Variants in TDRD1 observed in about 807,000 individuals in gnomAD.
The protein encoded by TDRD1 is tudor domain containing 1.
A neutral mutation model predicts 140.6 loss-of-function variants in TDRD1; 37 were observed. The observed-to-expected ratio is 0.26, with a 90% CI of 0.20 to 0.35. TDRD1 has a LOEUF of 0.35. Ranked by LOEUF, TDRD1 falls within the 10% of genes least tolerant of loss-of-function variation. The probability of loss-of-function intolerance (pLI) is 1.00; values close to 1 mark genes in which losing one functional copy is unlikely to be tolerated. For synonymous variants in TDRD1, 506 were observed against 475.7 expected, an observed-to-expected ratio of 1.06 and a Z score of -0.83; for missense variants, 1,243 against 1,393.0, an observed-to-expected ratio of 0.89 and a Z score of 1.71.
At chr10:114,229,114 A>C (rs2036608772) in intron 25 of TDRD1, among the ~76,000 whole-genome samples, 1 of 151,638 alleles carries the variant, frequency 6.6e-6, no homozygotes, top group African/African-American at 2.4e-5. Context: ...AAAAAAAAAC[A>C]ACCTCTAATC....
rs2036069955 is a variant in TDRD1 at position 114,220,427 on chromosome 10, G to A, written c.2495-141G>A. 9.7e-6 allele frequency: 6 copies of A among 620,044 alleles called. No individual in the cohort carries two copies. The South Asian group carries it at 9.8e-5, about 10-fold the overall frequency. The allele number at this position is 620,044 out of a possible 1,614,324, so 38.4% of individuals were successfully genotyped here. On this transcript the variant is annotated intron_variant, in intron 18 of 25. Coordinates refer to ENST00000251864, the Ensembl canonical transcript of TDRD1. ...ATCTCTTAAGTCAGGCATGCAGGAT[G>A]TAGGTGTATAATTGAATATTGAAGA...
chr10:114,218,800 C>G (rs894296369), intron 18 of TDRD1, among the ~76,000 whole-genome samples: 3 of 152,116 alleles, frequency 2.0e-5, no homozygotes, highest in Admixed American at 1.3e-4. Flanking sequence ...AAAAACTGCA[C>G]GATCCTCTGG....
exon 2 of TDRD1, chr10:114,187,906 A>G (rs780110641): frequency 1.2e-6 from 2 of 1,613,048 alleles, no homozygotes; most frequent in Admixed American, 1.7e-5. Flanking sequence ...TGACAGAGCC[A>G]TTTAATTTTG....
At chr10:114,175,017 G>A (rs1041859132), upstream of TDRD1, among the ~76,000 whole-genome samples, 1 of 152,214 alleles carries the variant, frequency 6.6e-6, no homozygotes, top group African/African-American at 2.4e-5. Context: ...ATTCTGCAAT[G>A]TAAGAATTTG....
chr10:114,198,037 G>A (rs538924366), intron 3 of TDRD1, among the ~76,000 whole-genome samples: 9 of 152,218 alleles, frequency 5.9e-5, no homozygotes, highest in African/African-American at 2.2e-4. Flanking sequence ...GCCAGGTCGG[G>A]GGGTATATGT....
chr10:114,211,060 T>C, intron 13 of TDRD1, 93 bp downstream of exon 13: 2 of 955,336 alleles, frequency 2.1e-6, no homozygotes, highest in Non-Finnish European at 3.1e-6. Context: ...GTCTTTGGTT[T>C]GCACTGATGG....
chr10:114,208,070 C>A (rs1485034338), intron 11 of TDRD1, among the ~76,000 whole-genome samples: 2 of 151,898 alleles, frequency 1.3e-5, no homozygotes, highest in Non-Finnish European at 2.9e-5. Context: ...TGCAAGAAAA[C>A]GAACATGTGT....
chr10:114,210,768 T>A lies in TDRD1; in HGVS notation c.1552+20T>A. On this transcript the variant is annotated intron_variant, in intron 12 of 25. Coordinates refer to ENST00000251864, the Ensembl canonical transcript of TDRD1. ...GTGGCCGTAAGTCAGCTTTCTTGAT[T>A]TGCTCTATGAAGCTAAAATACTTCA... 6.2e-7 allele frequency: 1 copy of A among 1,608,758 alleles called. No individual in the cohort carries two copies. The highest frequency in any genetic ancestry group is 8.5e-7 in the Non-Finnish European group (1 of 1,175,650).
chr10:114,231,452 G>A (rs1229258610), intron 25 of TDRD1: 9 of 1,566,110 alleles, frequency 5.7e-6, no homozygotes, highest in East Asian at 2.3e-5. Flanking sequence ...TTTTGTGTAA[G>A]GCATAATGAT....
At chr10:114,231,365 G>A (rs34511189) in intron 25 of TDRD1, 121,119 of 808,206 alleles carry the variant, frequency 0.15, 10,152 homozygotes, top group African/African-American at 0.24. Context: ...GACAGGTCTG[G>A]CTTAAATGCG....
chr10:114,206,302 A>G, exon 11 of TDRD1: 1 of 1,613,524 alleles, frequency 6.2e-7, no homozygotes, highest in Non-Finnish European at 8.5e-7. Context: ...CCAGTGGACA[A>G]GATTCTAAGA....
exon 2 of TDRD1, chr10:114,188,054 C>A (rs2033671460): frequency 6.2e-7 from 1 of 1,613,964 alleles, no homozygotes; most frequent in Non-Finnish European, 8.5e-7. Context: ...GCAAACCAAA[C>A]AATATTTGGC....
chr10:114,220,779 A>T (rs1293593026), exon 19 of TDRD1: 1 of 1,611,680 alleles, frequency 6.2e-7, no homozygotes, highest in East Asian at 2.2e-5. Flanking sequence ...CACCACATAA[A>T]GACTTACCAA....
At chr10:114,202,155 T>G (rs960297153) in intron 5 of TDRD1, 83 bp from the exon 6 acceptor site, 4 of 1,088,440 alleles carry the variant, frequency 3.7e-6, no homozygotes, top group African/African-American at 3.2e-5. Flanking sequence ...TTTTGTTCAT[T>G]GAGAATACCA....
intron 21 of TDRD1, 37 bp downstream of exon 21, chr10:114,222,740 A>G (rs577828724): frequency 8.2e-7 from 1 of 1,214,608 alleles, no homozygotes; most frequent in South Asian, 1.2e-5. Flanking sequence ...GAGGGAAGGT[A>G]TTTAGTCTGT....
chr10:114,186,172 G>A (rs1053987227), intron 1 of TDRD1, among the ~76,000 whole-genome samples: 3 of 151,904 alleles, frequency 2.0e-5, no homozygotes, highest in African/African-American at 7.3e-5. Flanking sequence ...TTGTCTGGGA[G>A]TTACTCTAAT....
intron 2 of TDRD1, among the ~76,000 whole-genome samples, chr10:114,190,250 A>G (rs1161205461): frequency 6.6e-6 from 1 of 152,254 alleles, no homozygotes; most frequent in East Asian, 1.9e-4. Flanking sequence ...TTTAAAAATT[A>G]TCAGCATGTA....
At chr10:114,175,985 T>C (rs1325579619), upstream of TDRD1, among the ~76,000 whole-genome samples, 1 of 152,190 alleles carries the variant, frequency 6.6e-6, no homozygotes, top group Non-Finnish European at 1.5e-5. Flanking sequence ...CTCTTCTCTG[T>C]AGAACTCCAT....
At chr10:114,194,417 C>T (rs1176680584) in intron 3 of TDRD1, among the ~76,000 whole-genome samples, 2 of 152,060 alleles carry the variant, frequency 1.3e-5, no homozygotes, top group African/African-American at 2.4e-5. Context: ...ATTGTGTTTG[C>T]ATTTTTTAAG....
Sources: allele counts gnomAD v4.1 joint callset (sites outside exome capture counted in the v4.1 genomes callset), GRCh38; gene constraint gnomAD v4.1.1; transcripts MANE v1.5; gene names NCBI Gene and HGNC (gene_info 2026-07-23, HGNC 2026-07-21).